Variants in NLGN1 observed in about 807,000 individuals in gnomAD.
The protein encoded by NLGN1 is neuroligin-1.
In NLGN1, 12 loss-of-function variants were observed where a neutral mutation model predicts 65.5. The ratio of observed to expected loss-of-function variants is 0.18; its 90% CI spans 0.12 to 0.30. NLGN1 has a LOEUF of 0.30. NLGN1 is among the 10% of genes least tolerant of loss of function. The pLI is 1.00. For missense variants in NLGN1, 750 were observed against 1,007.1 expected (o/e 0.74, Z 3.46); for synonymous variants, 350 against 359.5 (o/e 0.97, Z 0.30).
intron 3 of NLGN1, among the ~76,000 whole-genome samples, chr3:173,750,374 G>T (rs1034220828): frequency 6.6e-6 from 1 of 152,040 alleles, no homozygotes; most frequent in Non-Finnish European, 1.5e-5. Context: ...TTTAAAGTCA[G>T]ATAATGAAGT....
intron 4 of NLGN1, among the ~76,000 whole-genome samples, chr3:173,849,568 G>A (rs1726488070): frequency 6.6e-6 from 1 of 152,108 alleles, no homozygotes; most frequent in African/African-American, 2.4e-5. Flanking sequence ...CAAAATGTTA[G>A]GCATCATTTA....
intron 2 of NLGN1, among the ~76,000 whole-genome samples, chr3:173,547,006 T>C (rs1739970712): frequency 6.6e-6 from 1 of 152,166 alleles, no homozygotes; most frequent in Non-Finnish European, 1.5e-5. Context: ...GCTTACTCCC[T>C]GGAGGAACCC....
At chr3:174,192,217 T>A (rs547784756) in intron 4 of NLGN1, among the ~76,000 whole-genome samples, 3 of 152,304 alleles carry the variant, frequency 2.0e-5, no homozygotes, top group Admixed American at 1.3e-4. Flanking sequence ...GTAATGAGAT[T>A]TTTGAAACAC....
At chr3:173,665,982 G>C (rs1381697671) in intron 3 of NLGN1, among the ~76,000 whole-genome samples, 3 of 152,048 alleles carry the variant, frequency 2.0e-5, no homozygotes, top group African/African-American at 7.2e-5. Context: ...ACACATGAAG[G>C]ACAGAAAATG....
chr3:174,009,622 A>C (rs980427523), intron 4 of NLGN1, among the ~76,000 whole-genome samples: 1 of 152,298 alleles, frequency 6.6e-6, no homozygotes, highest in South Asian at 2.1e-4. Flanking sequence ...CACAGTAAAC[A>C]TAGTGATATA....
chr3:173,618,533 G>A (rs1349340844), intron 3 of NLGN1, among the ~76,000 whole-genome samples: 2 of 152,040 alleles, frequency 1.3e-5, no homozygotes, highest in Non-Finnish European at 2.9e-5. Flanking sequence ...AGATTTCCCA[G>A]GGCAAGCCAG....
At chr3:173,446,935 T>C (rs1720470661) in intron 2 of NLGN1, among the ~76,000 whole-genome samples, 1 of 152,226 alleles carries the variant, frequency 6.6e-6, no homozygotes. Context: ...TGTAAATTTG[T>C]TTGAGTTCAT....
chr3:173,792,756 A>G (rs897000323), intron 3 of NLGN1, among the ~76,000 whole-genome samples: 4 of 152,170 alleles, frequency 2.6e-5, no homozygotes, highest in African/African-American at 4.8e-5. Context: ...AGGAAATAGT[A>G]AAGACTTTTA....
chr3:173,425,846 A>AT (rs1715995184), intron 1 of NLGN1, among the ~76,000 whole-genome samples: 1 of 152,056 alleles, frequency 6.6e-6, no homozygotes, highest in African/African-American at 2.4e-5. Flanking sequence ...AATTTTAAGA[A>AT]ATTTTTTTCT....
intron 3 of NLGN1, among the ~76,000 whole-genome samples, chr3:173,680,095 G>A (rs546175796): frequency 1.0e-3 from 154 of 152,200 alleles, no homozygotes; most frequent in African/African-American, 3.5e-3. Flanking sequence ...TAAGGCTAAA[G>A]AGAAAAGAAG....
intron 4 of NLGN1, among the ~76,000 whole-genome samples, chr3:174,040,856 T>G (rs2152488828): frequency 6.6e-6 from 1 of 152,258 alleles, no homozygotes; most frequent in Non-Finnish European, 1.5e-5. Context: ...TGCTACAAAT[T>G]TATTCATCAA....
intron 3 of NLGN1, among the ~76,000 whole-genome samples, chr3:173,687,330 A>C (rs889368245): frequency 1.2e-4 from 19 of 152,246 alleles, no homozygotes; most frequent in Admixed American, 3.3e-4. Flanking sequence ...AAGTAATTTT[A>C]AAATGATATA....
intron 4 of NLGN1, among the ~76,000 whole-genome samples, chr3:174,230,098 G>T (rs1740422248): frequency 6.6e-6 from 1 of 152,132 alleles, no homozygotes; most frequent in Admixed American, 6.6e-5. Context: ...ATATGGCAGT[G>T]TGGTGAAATG....
At chr3:173,964,725 A>C (rs1714408896) in intron 4 of NLGN1, among the ~76,000 whole-genome samples, 1 of 152,200 alleles carries the variant, frequency 6.6e-6, no homozygotes, top group South Asian at 2.1e-4. Flanking sequence ...AAAATGGTAG[A>C]TGTATGGCAG....
intron 4 of NLGN1, among the ~76,000 whole-genome samples, chr3:174,099,100 A>G (rs1561038525): frequency 6.6e-6 from 1 of 152,222 alleles, no homozygotes; most frequent in Non-Finnish European, 1.5e-5. Context: ...AGTCTTTAAC[A>G]ACAAATGTAT....
At chr3:173,650,554 A>C (rs1006720288) in intron 3 of NLGN1, among the ~76,000 whole-genome samples, 2 of 152,114 alleles carry the variant, frequency 1.3e-5, no homozygotes, top group African/African-American at 4.8e-5. Context: ...ATGGTATCAC[A>C]TTGTGCATTA....
intron 3 of NLGN1, among the ~76,000 whole-genome samples, chr3:173,699,462 C>G (rs1766782358): frequency 6.6e-6 from 1 of 152,202 alleles, no homozygotes; most frequent in African/African-American, 2.4e-5. Context: ...GTCATGAGGG[C>G]AGCCAAATGG....
chr3:174,163,528 A>G (rs966479149), intron 4 of NLGN1, among the ~76,000 whole-genome samples: 64 of 151,922 alleles, frequency 4.2e-4, no homozygotes, highest in African/African-American at 1.5e-3. Context: ...GAGTGATCCC[A>G]TCACCCCGGT....
chr3:173,932,472 C>G (rs1327802523), intron 4 of NLGN1, among the ~76,000 whole-genome samples: 1 of 149,570 alleles, frequency 6.7e-6, no homozygotes, highest in Non-Finnish European at 1.5e-5. Flanking sequence ...ACTAGGACAT[C>G]TGTCTATGAG....
Sources: gnomAD v4.1 joint callset for allele counts (sites outside exome capture counted in the v4.1 genomes callset) on GRCh38, gnomAD v4.1.1 for gene constraint, MANE v1.5 for transcripts, NCBI Gene and HGNC (gene_info 2026-07-23, HGNC 2026-07-21) for gene names.